Variants in PCLO observed in about 807,000 individuals in gnomAD.
The protein encoded by PCLO is protein piccolo.
A neutral mutation model predicts 427.5 loss-of-function variants in PCLO; 82 were observed. The ratio of observed to expected loss-of-function variants is 0.19; its 90% confidence interval spans 0.16 to 0.23. The LOEUF (loss-of-function observed/expected upper bound fraction) is 0.23, where lower values mean the gene tolerates loss of function less well. PCLO is among the 10% of genes least tolerant of loss of function. PCLO has a pLI of 1.00. For synonymous variants in PCLO, 2,357 were observed against 2,155.4 expected (o/e 1.09, Z -2.59); for missense variants, 6,239 against 6,115.9 (o/e 1.02, Z -0.67).
chr7:82,908,093 G>A (rs1220893135), intron 8 of PCLO, among the ~76,000 whole-genome samples: 1 of 151,980 alleles, frequency 6.6e-6, no homozygotes, highest in Non-Finnish European at 1.5e-5. Context: ...TAATCATAAT[G>A]AGTACACAAC....
At chr7:83,001,743 C>A (rs2115926594) in intron 3 of PCLO, among the ~76,000 whole-genome samples, 1 of 152,172 alleles carries the variant, frequency 6.6e-6, no homozygotes, top group Non-Finnish European at 1.5e-5. Context: ...TGATTTATAG[C>A]TGGATCCATC....
intron 6 of PCLO, among the ~76,000 whole-genome samples, chr7:82,942,521 A>C (rs1020639487): frequency 1.3e-5 from 2 of 152,106 alleles, no homozygotes; most frequent in African/African-American, 4.8e-5. Context: ...TTAGATATTT[A>C]TTATAGTGAA....
chr7:82,971,476 G>T (rs994747990), intron 3 of PCLO, among the ~76,000 whole-genome samples: 1 of 148,896 alleles, frequency 6.7e-6, no homozygotes, highest in East Asian at 1.9e-4. Flanking sequence ...ACTGCTGGTG[G>T]TCTATTATAT....
intron 3 of PCLO, among the ~76,000 whole-genome samples, chr7:82,982,795 A>G (rs1796174864): frequency 6.6e-6 from 1 of 152,022 alleles, no homozygotes. Context: ...ATATTCTGGT[A>G]CAATCTATGA....
intron 19 of PCLO, among the ~76,000 whole-genome samples, 197 bp downstream of exon 19, chr7:82,824,039 T>A (rs1791865408): frequency 6.6e-6 from 1 of 152,198 alleles, no homozygotes; most frequent in African/African-American, 2.4e-5. Flanking sequence ...TACAAAGTAC[T>A]ACACCTAAGT....
chr7:82,949,403 GCCT>G, intron 6 of PCLO, 70 bp downstream of exon 6: 3 of 1,139,536 alleles, frequency 2.6e-6, no homozygotes, highest in Non-Finnish European at 3.8e-6. Context: ...GAGCCTGATC[GCCT>G]CCTAAAAGTC....
intron 10 of PCLO, chr7:82,867,959 A>T (rs978906303): frequency 8.4e-6 from 3 of 356,282 alleles, no homozygotes; most frequent in African/African-American, 6.4e-5. Context: ...AGGGACCAGT[A>T]ATTTGTATTT....
At chr7:82,959,877 C>T (rs558785453) in intron 4 of PCLO, among the ~76,000 whole-genome samples, 26 of 152,234 alleles carry the variant, frequency 1.7e-4, no homozygotes, top group African/African-American at 6.3e-4. Context: ...CCTTTCCCTT[C>T]CAATAACCCC....
In PCLO at chr7:82,797,261, G is replaced by T. The variant is rs539645652; in HGVS notation, c.15007+4257C>A. Among the ~76,000 whole-genome samples, 21 of 152,284 alleles carry T rather than the reference G, an allele frequency of 1.4e-4. No individual in the cohort carries two copies. The South Asian group carries it at 4.3e-3, about 32-fold the overall frequency. On this transcript the variant is annotated intron_variant, in intron 22 of 24. Transcript: ENST00000333891. ...CCAAGAAAATTAAGCTTCATGGAAA[G>T]TTGTGATTGTAATACTTTTTAAAGA...
At chr7:83,068,954 C>T (rs542872532) in intron 3 of PCLO, among the ~76,000 whole-genome samples, 1 of 152,142 alleles carries the variant, frequency 6.6e-6, no homozygotes, top group African/African-American at 2.4e-5. Context: ...AAACATTATT[C>T]AGTGCAAAGA....
chr7:83,080,168 G>A (rs1790061616), intron 3 of PCLO, among the ~76,000 whole-genome samples: 1 of 152,120 alleles, frequency 6.6e-6, no homozygotes, highest in South Asian at 2.1e-4. Flanking sequence ...TGTGAATAGT[G>A]CTGCAATGAA....
intron 6 of PCLO, among the ~76,000 whole-genome samples, chr7:82,931,624 G>T (rs892809607): frequency 7.2e-5 from 11 of 152,110 alleles, no homozygotes; most frequent in Non-Finnish European, 1.6e-4. Context: ...TCCCTCATTA[G>T]CTTCCCTTGT....
rs762257640 is a variant in PCLO at position 82,949,642 on chromosome 7, T to C, written c.10946A>G (p.Asp3649Gly). ...AFVPYEKPLPDDISPQKVLHP... is the reference protein window; with the variant it reads ...AFVPYEKPLPGDISPQKVLHP... ...CAGTACTTTCTGTGGACTTATATCATCAGGGAGGGGTTTTTCATAAGGTAC... is the reference window on the plus strand; with the variant it reads ...CAGTACTTTCTGTGGACTTATATCACCAGGGAGGGGTTTTTCATAAGGTAC... Residue 3649 changes from aspartate to glycine, a missense_variant, in exon 6 of 25, where the codon GAT becomes GGT. Around this residue, in one of 5 missense-constraint regions of PCLO, gnomAD observed 4,677 missense variants for 4,468.4 expected, o/e 1.05. Coordinates refer to ENST00000333891, the MANE Select transcript of PCLO (RefSeq NM_033026.6). 6.2e-7 allele frequency: 1 copy of C among 1,613,776 alleles called. No homozygotes were observed. The highest frequency in any genetic ancestry group is 8.5e-7 in the Non-Finnish European group (1 of 1,179,834).
chr7:82,800,002 A>G (rs1433759253), intron 22 of PCLO, among the ~76,000 whole-genome samples: 1 of 152,132 alleles, frequency 6.6e-6, no homozygotes, highest in African/African-American at 2.4e-5. Context: ...TCTAAATTCC[A>G]GGAGTTTGGG....
Position 82,988,801 on chromosome 7 carries a change from C to A in PCLO, c.3301-22314G>T, listed in dbSNP as rs146615180. On this transcript the variant is annotated intron_variant, in intron 3 of 24. Transcript: ENST00000333891. Reference sequence around the variant, plus strand: ...TTCAGAACATTTACTTCTCAAGGAGCAGAATTTATTTTTTTTTATTTTTTA... The same window carrying A: ...TTCAGAACATTTACTTCTCAAGGAGAAGAATTTATTTTTTTTTATTTTTTA... Among the ~76,000 whole-genome samples the A allele has an allele frequency of 9.2e-3, 1,396 of 151,494 alleles. 27 individuals carry two copies. Among genetic ancestry groups the A allele is most frequent in the African/African-American group, 0.031 (1,265 of 41,416 alleles).
At chr7:82,762,619 A>G (rs556409512) in intron 22 of PCLO, among the ~76,000 whole-genome samples, 1 of 145,946 alleles carries the variant, frequency 6.9e-6, no homozygotes, top group Admixed American at 6.9e-5. Context: ...TGAAAAGTAG[A>G]TATTTAAAAA....
At chr7:82,862,169 T>C (rs544883975) in intron 10 of PCLO, among the ~76,000 whole-genome samples, 14 of 151,922 alleles carry the variant, frequency 9.2e-5, no homozygotes, top group Middle Eastern at 3.4e-3. Context: ...AAACCAAAAA[T>C]TGGTTTTTTG....
intron 3 of PCLO, among the ~76,000 whole-genome samples, chr7:83,128,455 G>A (rs530571350): frequency 2.8e-4 from 42 of 152,172 alleles, no homozygotes; most frequent in African/African-American, 1.0e-3. Flanking sequence ...ATCAGCACAC[G>A]TGACCAGTGA....
intron 6 of PCLO, among the ~76,000 whole-genome samples, chr7:82,937,326 C>G (rs1374026074): frequency 6.6e-6 from 1 of 150,714 alleles, no homozygotes; most frequent in Non-Finnish European, 1.5e-5. Flanking sequence ...CTGTTAACAT[C>G]CACACTACAG....
Sources: allele counts gnomAD v4.1 joint callset (sites outside exome capture counted in the v4.1 genomes callset), GRCh38; gene constraint gnomAD v4.1.1; regional missense constraint gnomAD v4.1.1; transcripts MANE v1.5; gene names NCBI Gene and HGNC (gene_info 2026-07-23, HGNC 2026-07-21).